The following AUH variants were observed in gnomAD, a reference collection of about 807,000 sequenced individuals.
The protein encoded by AUH is AU RNA binding methylglutaconyl-CoA hydratase.
A neutral mutation model predicts 42.3 loss-of-function variants in AUH; 29 were observed. The ratio of observed to expected loss-of-function variants is 0.69; its 90% CI spans 0.51 to 0.93. The LOEUF (loss-of-function observed/expected upper bound fraction) is 0.93, where lower values mean the gene tolerates loss of function less well. Ranked by LOEUF, AUH falls within the 40% of genes least tolerant of loss-of-function variation. AUH has a pLI of 0.00. For synonymous variants in AUH, 174 were observed against 166.4 expected, an observed-to-expected ratio of 1.05 and a Z score of -0.35; for missense variants, 452 against 438.1, an observed-to-expected ratio of 1.03 and a Z score of -0.28.
chr9:91,243,464 T>G (rs1366193941), intron 6 of AUH, among the ~76,000 whole-genome samples: 1 of 152,222 alleles, frequency 6.6e-6, no homozygotes, highest in Admixed American at 6.5e-5. Context: ...AGAAATGAAT[T>G]ACACGGCAAG....
Position 91,306,387 on chromosome 9 carries a change from G to A in AUH, c.506-8311C>T, listed in dbSNP as rs942533237. On this transcript the variant is annotated intron_variant, in intron 4 of 9. Coordinates refer to ENST00000375731, the MANE Select transcript of AUH (RefSeq NM_001698.3). ...TGTTCCACATTTAACAAAACTCTTG[G>A]CATTTAAAATGCTGCTTAACATGGT... 5.1e-6 allele frequency: 5 copies of A among 985,056 alleles called. No homozygotes were observed. The African/African-American group carries it at 7.0e-5, about 14-fold the overall frequency. 61.0% of individuals were successfully genotyped at this position (985,056 alleles called of 1,614,324 possible).
chr9:91,294,117 C>G (rs1827127256), intron 6 of AUH, among the ~76,000 whole-genome samples: 1 of 152,220 alleles, frequency 6.6e-6, no homozygotes, highest in Non-Finnish European at 1.5e-5. Flanking sequence ...CAAAATATTA[C>G]TGTTCAGTGA....
chr9:91,338,234 C>T (rs929023202), intron 3 of AUH, among the ~76,000 whole-genome samples: 1 of 152,212 alleles, frequency 6.6e-6, no homozygotes, highest in Non-Finnish European at 1.5e-5. Flanking sequence ...AGCGTCTCAG[C>T]CCCTCTTGAA....
At chr9:91,307,009 C>T (rs536988240) in intron 4 of AUH, among the ~76,000 whole-genome samples, 1 of 152,218 alleles carries the variant, frequency 6.6e-6, no homozygotes, top group East Asian at 1.9e-4. Flanking sequence ...CATACTGTTG[C>T]ATTTTCATGA....
At chr9:91,223,422 A>G (rs79093642) in intron 6 of AUH, among the ~76,000 whole-genome samples, 14,812 of 151,974 alleles carry the variant, frequency 0.097, 751 homozygotes, top group Middle Eastern at 0.12. Context: ...TTAAGGCTGA[A>G]TAACATTCCA....
intron 3 of AUH, chr9:91,343,116 T>A (rs978128802): frequency 6.6e-6 from 1 of 152,154 alleles, no homozygotes; most frequent in Non-Finnish European, 1.5e-5. Flanking sequence ...AGTAGACTAT[T>A]AGTAGTTCAG....
At chr9:91,263,947 T>G (rs1587720660) in intron 6 of AUH, among the ~76,000 whole-genome samples, 1 of 152,176 alleles carries the variant, frequency 6.6e-6, no homozygotes, top group Non-Finnish European at 1.5e-5. Flanking sequence ...ACCATGTATA[T>G]CAATTTCTCA....
chr9:91,238,578 A>G (rs1190508090), intron 6 of AUH, among the ~76,000 whole-genome samples: 4 of 152,262 alleles, frequency 2.6e-5, no homozygotes, highest in African/African-American at 9.6e-5. Context: ...TCATCATGCA[A>G]CAAAATGTCT....
At chr9:91,343,510 T>A (rs968582802) in intron 3 of AUH, among the ~76,000 whole-genome samples, 3 of 152,214 alleles carry the variant, frequency 2.0e-5, no homozygotes, top group Non-Finnish European at 4.4e-5. Flanking sequence ...CTCACACCTA[T>A]AATCCCAACA....
At chr9:91,357,832 A>T (rs1219004331) in intron 1 of AUH, among the ~76,000 whole-genome samples, 1 of 152,238 alleles carries the variant, frequency 6.6e-6, no homozygotes, top group African/African-American at 2.4e-5. Context: ...AGAGTGACCA[A>T]TGAAAGTAAA....
intron 6 of AUH, chr9:91,294,725 G>A: frequency 2.2e-6 from 1 of 456,014 alleles, no homozygotes. Context: ...AATATTAACA[G>A]GAGTTTGGAA....
At chr9:91,269,053 TAACTGCA>T (rs1306100777) in intron 6 of AUH, among the ~76,000 whole-genome samples, 2 of 152,108 alleles carry the variant, frequency 1.3e-5, no homozygotes, top group Non-Finnish European at 2.9e-5. Flanking sequence ...CGATCTTGGC[TAACTGCA>T]ACCTTCACCT....
At chr9:91,240,066 T>C (rs1313325428) in intron 6 of AUH, among the ~76,000 whole-genome samples, 1 of 152,234 alleles carries the variant, frequency 6.6e-6, no homozygotes, top group African/African-American at 2.4e-5. Flanking sequence ...CAAGTCTTAA[T>C]CATTAAAAAC....
intron 6 of AUH, among the ~76,000 whole-genome samples, chr9:91,242,450 T>TA (rs1414460062): frequency 6.6e-6 from 1 of 152,142 alleles, no homozygotes; most frequent in South Asian, 2.1e-4. Flanking sequence ...AAGGAGGAAG[T>TA]AAAAAAGAAT....
At chr9:91,225,998 C>T (rs542562079) in intron 6 of AUH, among the ~76,000 whole-genome samples, 113 of 147,720 alleles carry the variant, frequency 7.6e-4, no homozygotes, top group African/African-American at 2.4e-3. Context: ...GTGAATAATG[C>T]CGCAATAAAC....
intron 4 of AUH, among the ~76,000 whole-genome samples, chr9:91,322,243 C>A (rs1829634573): frequency 1.3e-5 from 2 of 152,150 alleles, no homozygotes; most frequent in South Asian, 4.1e-4. Flanking sequence ...TCAGAATCCA[C>A]AGAACAGAAA....
intron 4 of AUH, among the ~76,000 whole-genome samples, chr9:91,301,978 C>T (rs1827819849): frequency 6.6e-6 from 1 of 152,142 alleles, no homozygotes; most frequent in Admixed American, 6.5e-5. Flanking sequence ...AATTCGTATT[C>T]AATGGGTAAT....
chr9:91,321,232 C>T (rs1422473914), intron 4 of AUH, among the ~76,000 whole-genome samples: 2 of 152,108 alleles, frequency 1.3e-5, no homozygotes, highest in Non-Finnish European at 2.9e-5. Flanking sequence ...CAAATCTGAA[C>T]ATCTATGTCT....
chr9:91,349,657 G>C (rs1250421540), intron 3 of AUH, among the ~76,000 whole-genome samples: 1 of 148,056 alleles, frequency 6.8e-6, no homozygotes, highest in African/African-American at 2.5e-5. Context: ...GTGTGGGTGT[G>C]TGTATGTAAG....
Sources: allele counts gnomAD v4.1 joint callset (sites outside exome capture counted in the v4.1 genomes callset), GRCh38; gene constraint gnomAD v4.1.1; transcripts MANE v1.5; gene names NCBI Gene and HGNC (gene_info 2026-07-23, HGNC 2026-07-21).